SOS2: variants seen among roughly 807,000 people sequenced by gnomAD.
SOS2 encodes SOS Ras/Rho guanine nucleotide exchange factor 2.
SOS2 carries 65 observed loss-of-function variants against 148.2 expected under a neutral mutation model. The ratio of observed to expected loss-of-function variants is 0.44; its 90% CI spans 0.36 to 0.54. SOS2 has a LOEUF of 0.54. Ranked by LOEUF, SOS2 falls within the 20% of genes least tolerant of loss-of-function variation. The pLI, the probability that SOS2 is intolerant of heterozygous loss-of-function variation, is 0.00. For synonymous variants in SOS2, 539 were observed against 537.1 expected (o/e 1.00, Z -0.05); for missense variants, 1,341 against 1,590.2 (o/e 0.84, Z 2.67).
chr14:50,186,250 C>A (rs1300480188), intron 5 of SOS2, among the ~76,000 whole-genome samples: 2 of 152,060 alleles, frequency 1.3e-5, no homozygotes, highest in African/African-American at 4.8e-5. Flanking sequence ...TTCCATCTGA[C>A]CCTTTAGTAT....
intron 7 of SOS2, among the ~76,000 whole-genome samples, chr14:50,178,719 T>C (rs10149493): frequency 0.013 from 176 of 13,554 alleles, 3 homozygotes; most frequent in East Asian, 0.035. Flanking sequence ...TATACACACA[T>C]ATACACACAC....
At chr14:50,201,657 G>T (rs1377541370) in intron 2 of SOS2, among the ~76,000 whole-genome samples, 1 of 151,538 alleles carries the variant, frequency 6.6e-6, no homozygotes, top group Non-Finnish European at 1.5e-5. Context: ...ACCGGAAAAA[G>T]GAAAAAACAA....
chr14:50,213,344 A>T (rs943335610), intron 1 of SOS2, among the ~76,000 whole-genome samples: 5 of 152,206 alleles, frequency 3.3e-5, no homozygotes, highest in Non-Finnish European at 7.3e-5. Context: ...ACAAACAAGA[A>T]AACAAGATAA....
chr14:50,216,245 C>T (rs1887037626), intron 1 of SOS2, among the ~76,000 whole-genome samples: 1 of 151,408 alleles, frequency 6.6e-6, no homozygotes. Context: ...TACAGGTGTG[C>T]ACCATCACGC....
intron 12 of SOS2, among the ~76,000 whole-genome samples, chr14:50,154,990 AAAAC>A (rs1324766462): frequency 1.3e-5 from 2 of 152,210 alleles, no homozygotes; most frequent in African/African-American, 2.4e-5. Flanking sequence ...GAACAAAAGA[AAAAC>A]AAACACTGAA....
chr14:50,172,925 A>G (rs1885414459), intron 8 of SOS2, among the ~76,000 whole-genome samples: 1 of 152,166 alleles, frequency 6.6e-6, no homozygotes, highest in Non-Finnish European at 1.5e-5. Flanking sequence ...GCTAACATCT[A>G]AGAACTTCTG....
At position 50,231,269 on chromosome 14, in the gene SOS2, C is replaced by T; in HGVS notation, c.15G>A (p.Pro5=). 6 of 1,473,206 alleles carry T rather than the reference C, an allele frequency of 4.1e-6. No individual in the cohort carries two copies. Among genetic ancestry groups the T allele is most frequent in the Admixed American group, 3.9e-5 (2 of 51,654 alleles). 91.3% of individuals were successfully genotyped at this position (1,473,206 alleles called of 1,614,324 possible). MQQA[P]QPYEFFSEEN... Reference sequence around the variant, plus strand: ...CCTCGCTGAAGAACTCGTAAGGCTGCGGCGCCTGCTGCATGGCCCCGGCGA... The same window carrying T: ...CCTCGCTGAAGAACTCGTAAGGCTGTGGCGCCTGCTGCATGGCCCCGGCGA... Residue 5 remains proline (P), a synonymous_variant, in exon 1 of 23, where the codon CCG becomes CCA. Transcript: ENST00000216373.
chr14:50,191,970 G>GA (rs978677087), intron 4 of SOS2, among the ~76,000 whole-genome samples: 3 of 151,918 alleles, frequency 2.0e-5, no homozygotes, highest in African/African-American at 7.3e-5. Flanking sequence ...GGGCAACAAA[G>GA]AGAGACCCAG....
rs532617702 is a variant in SOS2 at position 50,184,340 on chromosome 14, C to T, written c.715-1734G>A. ...ACCTGAGCTTGGATCCTGGCTCCAC[C>T]ACATGTGGTATAATATGAAACATAT... On this transcript the variant is annotated intron_variant, in intron 5 of 22. Transcript: ENST00000216373. Among the ~76,000 whole-genome samples the T allele has an allele frequency of 6.6e-5, 10 of 152,264 alleles. No individual in the cohort carries two copies. The East Asian group carries it at 1.9e-3, about 29-fold the overall frequency.
chr14:50,145,506 A>T lies in SOS2; in HGVS notation c.2475T>A (p.His825Gln), dbSNP rs1884438948. Reference protein sequence around the residue: ...NSPNLLKMIRHTTNLTLWFEK... With the variant: ...NSPNLLKMIRQTTNLTLWFEK... ...CAAACCAGAGGGTGAGATTTGTGGTATGGCGAATCATTTTTAATAAATTTG... is the reference window on the plus strand; with the variant it reads ...CAAACCAGAGGGTGAGATTTGTGGTTTGGCGAATCATTTTTAATAAATTTG... Residue 825 changes from histidine to glutamine, a missense_variant, in exon 15 of 23, where the codon CAT (histidine) becomes CAA (glutamine). By Grantham distance (24) the His-to-Gln change is conservative. Transcript: ENST00000216373. The T allele has an allele frequency of 6.2e-7, 1 of 1,606,428 alleles. No individual in the cohort carries two copies. The highest frequency in any genetic ancestry group is 1.3e-5 in the African/African-American group (1 of 74,744).
At chr14:50,126,983 T>C (rs1046376103) in intron 21 of SOS2, among the ~76,000 whole-genome samples, 1 of 152,106 alleles carries the variant, frequency 6.6e-6, no homozygotes, top group Non-Finnish European at 1.5e-5. Context: ...GAGAATGCCT[T>C]AAAAGTTTCT....
intron 21 of SOS2, 116 bp downstream of exon 21, chr14:50,129,840 AAATTT>A (rs947247265): frequency 1.2e-4 from 76 of 610,128 alleles, no homozygotes; most frequent in African/African-American, 1.2e-3. Flanking sequence ...GCAAATAATT[AAATTT>A]ATTTATAACT....
At chr14:50,166,203 G>C (rs1885156886) in intron 8 of SOS2, among the ~76,000 whole-genome samples, 1 of 152,128 alleles carries the variant, frequency 6.6e-6, no homozygotes, top group Non-Finnish European at 1.5e-5. Context: ...AAATAAAAGT[G>C]ATTGTTTATT....
intron 21 of SOS2, among the ~76,000 whole-genome samples, chr14:50,126,668 T>TA (rs1433865821): frequency 1.3e-5 from 2 of 151,076 alleles, no homozygotes; most frequent in Admixed American, 6.6e-5. Flanking sequence ...AGCTGAAAGA[T>TA]AAAGTGAGGA....
At chr14:50,189,584 T>C (rs922582019) in intron 4 of SOS2, among the ~76,000 whole-genome samples, 14 of 152,182 alleles carry the variant, frequency 9.2e-5, no homozygotes, top group African/African-American at 3.1e-4. Flanking sequence ...ACAGTACATA[T>C]TTGAGTAGGG....
At chr14:50,220,617 CCT>C (rs1337216118) in intron 1 of SOS2, among the ~76,000 whole-genome samples, 1 of 151,826 alleles carries the variant, frequency 6.6e-6, no homozygotes, top group African/African-American at 2.4e-5. Flanking sequence ...GAAGGAATTC[CCT>C]CTCTTACGTT....
At chr14:50,123,412 A>C (rs1470853086) in intron 21 of SOS2, among the ~76,000 whole-genome samples, 1 of 112,692 alleles carries the variant, frequency 8.9e-6, no homozygotes, top group Non-Finnish European at 1.7e-5. Context: ...ATGGAGTTTC[A>C]CTCTTGTCGC....
At chr14:50,181,792 A>C (rs1885749267) in intron 6 of SOS2, among the ~76,000 whole-genome samples, 1 of 152,086 alleles carries the variant, frequency 6.6e-6, no homozygotes, top group African/African-American at 2.4e-5. Context: ...CTTTCATCTA[A>C]TTTATATATC....
chr14:50,138,684 T>C lies in SOS2; in HGVS notation c.2886A>G (p.Val962=), dbSNP rs1884165097. The change falls in exon 18 of 23, where the codon GTA becomes GTG. Residue 962 remains valine, a synonymous_variant. Coordinates refer to ENST00000216373, the MANE Select transcript of SOS2 (RefSeq NM_006939.4). ...GCTGAATTTCTCCAGTAATTTCAGC[T>C]ACTTTCCTCCTCTTACTGAAATTGA... ...DLINFSKRRK[V]AEITGEIQQY... 3 of 1,560,504 alleles carry C rather than the reference T, an allele frequency of 1.9e-6. No individual in the cohort carries two copies. In the African/African-American group the frequency reaches 4.1e-5, roughly 21 times the overall value.
Sources: gnomAD v4.1 joint callset for allele counts (sites outside exome capture counted in the v4.1 genomes callset) on GRCh38, gnomAD v4.1.1 for gene constraint, MANE v1.5 for transcripts, NCBI Gene and HGNC (gene_info 2026-07-23, HGNC 2026-07-21) for gene names.